AKAP6: variants seen among roughly 807,000 people sequenced by gnomAD.
AKAP6 encodes the protein A-kinase anchor protein 6.
AKAP6 carries 58 observed loss-of-function variants against 188.5 expected under a neutral mutation model. The observed-to-expected ratio is 0.31, with a 90% confidence interval of 0.25 to 0.38. The LOEUF (loss-of-function observed/expected upper bound fraction) is 0.38. Among genes scored for constraint, AKAP6 ranks in the 10% least tolerant of loss-of-function variants. The pLI is 1.00. For synonymous variants in AKAP6, 989 were observed against 998.6 expected (o/e 0.99, Z 0.18); for missense variants, 2,710 against 2,740.0 (o/e 0.99, Z 0.24).
At chr14:32,439,532 T>C (rs539507904) in intron 2 of AKAP6, among the ~76,000 whole-genome samples, 51 of 152,346 alleles carry the variant, frequency 3.3e-4, no homozygotes, top group African/African-American at 1.2e-3. Flanking sequence ...TGAAGCCAAC[T>C]TTCCCCTTGT....
At chr14:32,413,175 A>ATTTTTTTTT (rs10577801) in intron 1 of AKAP6, among the ~76,000 whole-genome samples, 1 of 60,478 alleles carries the variant, frequency 1.7e-5, no homozygotes, top group African/African-American at 4.5e-5. Context: ...ATTTATTGAA[A>ATTTTTTTTT]TTTTTTTTTT....
At chr14:32,597,583 A>AT (rs1414511002) in intron 5 of AKAP6, among the ~76,000 whole-genome samples, 1 of 152,210 alleles carries the variant, frequency 6.6e-6, no homozygotes, top group East Asian at 1.9e-4. Context: ...GATCAGAAGT[A>AT]TGAGGCTTCC....
rs35969035 is a variant in AKAP6, at chr14:32,360,712, AGTGTGT to A, written c.-35+31338_-35+31343del. On this transcript the variant is annotated intron_variant, in intron 1 of 13. Transcript: ENST00000280979. ...CAGATTGTTCCAGTTTTGGCCATTG[AGTGTGT>A]GTGTGTGTGTGTGTGTGTGTGTGTG... is the stretch of plus-strand genomic sequence containing the variant. Among the ~76,000 whole-genome samples the A allele has an allele frequency of 2.5e-3, 345 of 136,116 alleles. 1 individual carries two copies. The highest frequency in any genetic ancestry group is 7.4e-3 in the African/African-American group (271 of 36,838). 89.3% of individuals were successfully genotyped at this position (136,116 alleles called of 152,430 possible). A position where few individuals can be genotyped will look rare whatever the true frequency, so the allele number is the denominator to read the frequency against.
At position 32,483,003 on chromosome 14, in the gene AKAP6, A is replaced by ATGTGTGTGTGTG. The variant is rs1415706046; in HGVS notation, c.324+49187_324+49188insGTGTGTGTGTGT. Among the ~76,000 whole-genome samples the ATGTGTGTGTGTG allele has an allele frequency of 9.5e-3, 738 of 77,804 alleles. 6 individuals carry two copies. The highest frequency in any genetic ancestry group is 0.032 in the South Asian group (27 of 836). The allele number at this position is 77,804 out of a possible 152,430, so 51.0% of individuals were successfully genotyped here. The stretch of plus-strand genomic sequence containing the variant: ...TGTGTGTGTGTGTATATATATATAT[A>ATGTGTGTGTGTG]TATATATATGTATCTTGCATTGGTA... On this transcript the variant is annotated intron_variant, in intron 2 of 13. Coordinates refer to ENST00000280979, the MANE Select transcript of AKAP6 (RefSeq NM_004274.5).
At chr14:32,418,083 CTAAG>C (rs1889720291) in intron 1 of AKAP6, 1 of 152,170 alleles carries the variant, frequency 6.6e-6, no homozygotes, top group African/African-American at 2.4e-5. Flanking sequence ...CTGCAAATGA[CTAAG>C]TAAGACCAAC....
chr14:32,329,920 G>C (rs1886478320), intron 1 of AKAP6, among the ~76,000 whole-genome samples: 1 of 151,992 alleles, frequency 6.6e-6, no homozygotes, highest in Non-Finnish European at 1.5e-5. Context: ...ATGTGAAAGG[G>C]GATCTCTTGC....
At chr14:32,405,858 C>T (rs1476413555) in intron 1 of AKAP6, among the ~76,000 whole-genome samples, 3 of 152,152 alleles carry the variant, frequency 2.0e-5, no homozygotes, top group South Asian at 2.1e-4. Flanking sequence ...TGAGATTACC[C>T]GGTCTCCTGT....
intron 4 of AKAP6, among the ~76,000 whole-genome samples, chr14:32,558,841 T>C (rs893098827): frequency 6.6e-6 from 1 of 152,162 alleles, no homozygotes; most frequent in Non-Finnish European, 1.5e-5. Context: ...TTTCTTCTTA[T>C]GGATACGACT....
Position 32,822,751 on chromosome 14 carries a change from A to G in AKAP6, c.4938A>G (p.Ser1646=), listed in dbSNP as rs760161067. 1.9e-6 allele frequency: 3 copies of G among 1,613,824 alleles called. No individual in the cohort carries two copies. Among genetic ancestry groups the G allele is most frequent in the African/African-American group, 2.7e-5 (2 of 74,920 alleles). ...GTTTGGAGAATATCCAGAGCCCCTC[A>G]GAGCAAAAGATAAAACGAAGTGTTT... ...LNRLENIQSP[S]EQKIKRSVSD... Residue 1646 remains serine, a synonymous_variant, in exon 13 of 14, where the codon TCA becomes TCG. Coordinates refer to ENST00000280979, the MANE Select transcript of AKAP6 (RefSeq NM_004274.5).
intron 1 of AKAP6, among the ~76,000 whole-genome samples, chr14:32,372,555 T>C (rs1311978950): frequency 1.8e-5 from 2 of 108,452 alleles, no homozygotes; most frequent in Non-Finnish European, 3.7e-5. Context: ...TATAATTCTT[T>C]AAGATCACTT....
chr14:32,629,640 T>C (rs1260619572), intron 7 of AKAP6, among the ~76,000 whole-genome samples: 1 of 151,470 alleles, frequency 6.6e-6, no homozygotes, highest in East Asian at 1.9e-4. Flanking sequence ...ACAAGTAAGA[T>C]TATGAGAAGT....
At chr14:32,763,105 G>A (rs1288713478) in intron 11 of AKAP6, among the ~76,000 whole-genome samples, 4 of 152,030 alleles carry the variant, frequency 2.6e-5, no homozygotes, top group African/African-American at 9.7e-5. Flanking sequence ...CTCTTCAAGA[G>A]CCAATAGAAA....
At chr14:32,393,564 G>T (rs1276218709) in intron 1 of AKAP6, among the ~76,000 whole-genome samples, 1 of 152,142 alleles carries the variant, frequency 6.6e-6, no homozygotes, top group Non-Finnish European at 1.5e-5. Context: ...TTATTTTCTG[G>T]TTTTGACAAG....
At chr14:32,716,241 C>T (rs993872330) in intron 9 of AKAP6, among the ~76,000 whole-genome samples, 57 of 151,600 alleles carry the variant, frequency 3.8e-4, no homozygotes, top group Admixed American at 1.5e-3. Context: ...CACTCATGAG[C>T]GATTAAATGG....
At chr14:32,767,663 G>A (rs1012303291) in intron 11 of AKAP6, among the ~76,000 whole-genome samples, 10 of 152,012 alleles carry the variant, frequency 6.6e-5, no homozygotes, top group Non-Finnish European at 1.2e-4. Context: ...CTTTTTAAAT[G>A]TGTGCTCCCC....
chr14:32,397,768 A>G (rs1265112662), intron 1 of AKAP6, among the ~76,000 whole-genome samples: 1 of 152,194 alleles, frequency 6.6e-6, no homozygotes, highest in Non-Finnish European at 1.5e-5. Context: ...TAGGTACAAT[A>G]TAAGGAAGGC....
chr14:32,615,574 C>T (rs1244944181), intron 7 of AKAP6, among the ~76,000 whole-genome samples: 1 of 150,414 alleles, frequency 6.6e-6, no homozygotes, highest in African/African-American at 2.5e-5. Context: ...CATGTTTCCC[C>T]CAATGCTAAA....
chr14:32,409,852 T>C (rs1889424669), intron 1 of AKAP6, among the ~76,000 whole-genome samples: 1 of 152,142 alleles, frequency 6.6e-6, no homozygotes. Context: ...TCACTTCTCT[T>C]GATTATGTAT....
chr14:32,535,256 A>G (rs189416023), intron 2 of AKAP6, among the ~76,000 whole-genome samples: 1 of 152,306 alleles, frequency 6.6e-6, no homozygotes, highest in East Asian at 1.9e-4. Flanking sequence ...AAAAGAGAGC[A>G]GTGAATTGGA....
Sources: gnomAD v4.1 joint callset for allele counts (sites outside exome capture counted in the v4.1 genomes callset) on GRCh38, gnomAD v4.1.1 for gene constraint, MANE v1.5 for transcripts, NCBI Gene and HGNC (gene_info 2026-07-23, HGNC 2026-07-21) for gene names.